The following CDH18 variants were observed in gnomAD, a reference collection of about 807,000 sequenced individuals.
CDH18 encodes the protein cadherin-18.
A neutral mutation model predicts 67.9 loss-of-function variants in CDH18; 31 were observed. That is an observed-to-expected ratio of 0.46 (90% CI 0.34 to 0.62). The LOEUF (loss-of-function observed/expected upper bound fraction) is 0.62. CDH18 is among the 20% of genes least tolerant of loss of function. CDH18 has a pLI of 0.01. For missense variants in CDH18, 890 were observed against 975.5 expected (o/e 0.91, Z 1.17); for synonymous variants, 362 against 347.2 (o/e 1.04, Z -0.48).
chr5:20,328,681 C>G (rs1004398256), intron 1 of CDH18, among the ~76,000 whole-genome samples: 3 of 152,188 alleles, frequency 2.0e-5, no homozygotes, highest in Admixed American at 6.5e-5. Flanking sequence ...TCCATTGAGA[C>G]CTGCCTCAAT....
At chr5:20,536,523 C>G (rs1421105951) in intron 1 of CDH18, among the ~76,000 whole-genome samples, 1 of 152,130 alleles carries the variant, frequency 6.6e-6, no homozygotes, top group South Asian at 2.1e-4. Context: ...GTGCTGTAGG[C>G]CTGAACGGTG....
chr5:19,812,900 T>C (rs559131733), intron 3 of CDH18, among the ~76,000 whole-genome samples: 1 of 152,186 alleles, frequency 6.6e-6, no homozygotes, highest in Non-Finnish European at 1.5e-5. Flanking sequence ...CAAATGCCCA[T>C]CAATGATAAA....
chr5:19,571,359 G>A lies in CDH18; in HGVS notation c.1253+220C>T, dbSNP rs184290221. Among the ~76,000 whole-genome samples, 57 of 152,054 alleles carry A rather than the reference G, an allele frequency of 3.7e-4. No homozygotes were observed. The East Asian group carries it at 8.7e-3, about 23-fold the overall frequency. On this transcript the variant is annotated intron_variant, in intron 8 of 12. Coordinates refer to ENST00000382275, the MANE Select transcript of CDH18 (RefSeq NM_004934.5). ...AAGTCAAATGAAAAAATTAACATGT[G>A]GTCAATAAGACATTCATGGAGATAG...
chr5:20,215,776 A>G (rs1183139740), intron 2 of CDH18, among the ~76,000 whole-genome samples: 2 of 152,072 alleles, frequency 1.3e-5, no homozygotes, highest in African/African-American at 4.8e-5. Flanking sequence ...CATGTACAAC[A>G]TGGAATACTG....
At chr5:20,383,266 G>A in intron 1 of CDH18, among the ~76,000 whole-genome samples, 1 of 152,022 alleles carries the variant, frequency 6.6e-6, no homozygotes, top group East Asian at 1.9e-4. Flanking sequence ...AGTCCACTTG[G>A]AGGACATAAT....
intron 1 of CDH18, among the ~76,000 whole-genome samples, chr5:20,281,678 C>T (rs1378315227): frequency 6.6e-6 from 1 of 152,120 alleles, no homozygotes; most frequent in Non-Finnish European, 1.5e-5. Flanking sequence ...TTAGGATTGA[C>T]TTGGCGATGC....
chr5:20,170,479 A>G, intron 2 of CDH18, among the ~76,000 whole-genome samples: 1 of 152,230 alleles, frequency 6.6e-6, no homozygotes, highest in East Asian at 1.9e-4. Flanking sequence ...ACTATCAGAG[A>G]AATATTCTAA....
intron 2 of CDH18, among the ~76,000 whole-genome samples, chr5:20,171,534 C>T (rs1208448959): frequency 6.6e-6 from 1 of 151,612 alleles, no homozygotes; most frequent in Non-Finnish European, 1.5e-5. Flanking sequence ...AGTGTCTGTT[C>T]ATGTCCTTTG....
chr5:20,056,478 G>GTTTTTTTT lies in CDH18; in HGVS notation c.-517-64472_-517-64465dup, dbSNP rs58415003. On this transcript the variant is annotated intron_variant, in intron 2 of 14. Transcript: ENST00000507958. Reference sequence around the variant, plus strand: ...TATTTTTCTTTATTTTCTTTCTTTTGTTTTTTTTTTTTTTTTTTTTTTTTT... The same window carrying GTTTTTTTT: ...TATTTTTCTTTATTTTCTTTCTTTTGTTTTTTTTTTTTTTTTTTTTTTTTTTTTTTTTT... Among the ~76,000 whole-genome samples the GTTTTTTTT allele has an allele frequency of 7.4e-4, 12 of 16,292 alleles. 5 individuals are homozygous for GTTTTTTTT. The highest frequency in any genetic ancestry group is 1.3e-3 in the African/African-American group (6 of 4,720). The allele number at this position is 16,292 out of a possible 152,430, so 10.7% of individuals were successfully genotyped here. A position where few individuals can be genotyped will look rare whatever the true frequency, so the allele number is the denominator to read the frequency against.
chr5:20,374,928 C>A (rs953090808), intron 1 of CDH18, among the ~76,000 whole-genome samples: 1 of 151,760 alleles, frequency 6.6e-6, no homozygotes, highest in Admixed American at 6.6e-5. Flanking sequence ...TATTGATAAC[C>A]CTAGTAACAA....
intron 2 of CDH18, among the ~76,000 whole-genome samples, chr5:20,207,818 C>T (rs1740030995): frequency 6.6e-6 from 1 of 151,914 alleles, no homozygotes; most frequent in African/African-American, 2.4e-5. Context: ...AGTAACAATC[C>T]TAAAATGTAT....
At chr5:19,666,682 T>C (rs1758005934) in intron 5 of CDH18, among the ~76,000 whole-genome samples, 1 of 151,930 alleles carries the variant, frequency 6.6e-6, no homozygotes, top group African/African-American at 2.4e-5. Flanking sequence ...TCAGCTAACC[T>C]CCCAAAAGAC....
intron 1 of CDH18, among the ~76,000 whole-genome samples, chr5:20,317,326 T>C (rs559719258): frequency 8.5e-5 from 13 of 152,116 alleles, no homozygotes; most frequent in Admixed American, 5.9e-4. Context: ...GGAAGAAAAA[T>C]TGAGTTCATG....
At chr5:20,277,495 A>G (rs1308970422) in intron 1 of CDH18, among the ~76,000 whole-genome samples, 2 of 152,164 alleles carry the variant, frequency 1.3e-5, no homozygotes, top group Non-Finnish European at 2.9e-5. Flanking sequence ...CCAGAAACTT[A>G]GATTACAACA....
At chr5:19,778,513 A>T (rs1159743533) in intron 3 of CDH18, among the ~76,000 whole-genome samples, 1 of 152,202 alleles carries the variant, frequency 6.6e-6, no homozygotes, top group Admixed American at 6.5e-5. Context: ...ATACATAATC[A>T]AGATGAAAAA....
chr5:20,456,071 G>A (rs1181453222), intron 1 of CDH18, among the ~76,000 whole-genome samples: 1 of 152,004 alleles, frequency 6.6e-6, no homozygotes, highest in Admixed American at 6.6e-5. Flanking sequence ...TAAATAACAT[G>A]CTTATTAGCC....
intron 1 of CDH18, among the ~76,000 whole-genome samples, chr5:20,430,998 T>C (rs370530046): frequency 4.4e-4 from 67 of 152,332 alleles, no homozygotes; most frequent in African/African-American, 1.6e-3. Flanking sequence ...TACTTGTTAA[T>C]GTAACCCGTT....
chr5:19,762,799 G>A (rs773710631), intron 3 of CDH18, among the ~76,000 whole-genome samples: 9 of 152,084 alleles, frequency 5.9e-5, no homozygotes, highest in South Asian at 2.1e-4. Context: ...ACATGCACAC[G>A]TATGTTTGTT....
At chr5:19,969,971 C>T (rs1454480822) in intron 2 of CDH18, among the ~76,000 whole-genome samples, 1 of 151,814 alleles carries the variant, frequency 6.6e-6, no homozygotes, top group African/African-American at 2.4e-5. Context: ...CAGTATAAGA[C>T]AGTGGAGAAG....
Sources: allele counts gnomAD v4.1 joint callset (sites outside exome capture counted in the v4.1 genomes callset), GRCh38; gene constraint gnomAD v4.1.1; transcripts MANE v1.5; gene names NCBI Gene and HGNC (gene_info 2026-07-23, HGNC 2026-07-21).